The following PCDHGB3 variants were observed in gnomAD, a reference collection of about 807,000 sequenced individuals.
The protein encoded by PCDHGB3 is protocadherin gamma subfamily B, 3.
In PCDHGB3, 40 loss-of-function variants were observed where a neutral mutation model predicts 59.2. That is an observed-to-expected ratio of 0.68 (90% CI 0.52 to 0.88). PCDHGB3 has a LOEUF of 0.88. PCDHGB3 is among the 40% of genes least tolerant of loss of function. PCDHGB3 has a pLI of 0.00. For synonymous variants in PCDHGB3, 581 were observed against 503.6 expected (o/e 1.15, Z -2.06); for missense variants, 1,309 against 1,187.9 (o/e 1.10, Z -1.50).
intron 1 of PCDHGB3, chr5:141,410,822 A>C: frequency 2.2e-6 from 1 of 461,410 alleles, no homozygotes; most frequent in Non-Finnish European, 3.6e-6. Context: ...AAATAATGTC[A>C]CCAGACTGAA....
intron 1 of PCDHGB3, chr5:141,418,106 G>T (rs2096223296): frequency 6.2e-7 from 1 of 1,613,954 alleles, no homozygotes. Flanking sequence ...GCAGAGCGGG[G>T]ACTTACTTGT....
chr5:141,412,285 C>T (rs957716949), intron 1 of PCDHGB3: 3 of 152,194 alleles, frequency 2.0e-5, no homozygotes, highest in Non-Finnish European at 4.4e-5. Context: ...TCAAATTCTA[C>T]GTATTTCTTT....
chr5:141,375,822 G>C (rs1439795137), intron 1 of PCDHGB3: 3 of 1,614,144 alleles, frequency 1.9e-6, no homozygotes. Context: ...CTGGCGCCCC[G>C]CTCCGCAGAG....
chr5:141,487,442 G>A lies in PCDHGB3; in HGVS notation c.2416-7365G>A, dbSNP rs749842864. 1 of 1,613,918 alleles carries A rather than the reference G, an allele frequency of 6.2e-7. No homozygotes were observed. Among genetic ancestry groups the A allele is most frequent in the Non-Finnish European group, 8.5e-7 (1 of 1,179,798 alleles). On this transcript the variant is annotated intron_variant, in intron 1 of 3. Coordinates refer to ENST00000576222, the MANE Select transcript of PCDHGB3 (RefSeq NM_018924.5). The surrounding 1 kb of genome is among the most constrained non-coding windows in gnomAD (Gnocchi z 5.0). ...GATCCTCCGAATCCAGCTAGGGTCA[G>A]ATGACCCTATCAAGTTTGTTGATGT...
At chr5:141,374,701 C>G (rs781441820) in intron 1 of PCDHGB3, 1 of 1,608,844 alleles carries the variant, frequency 6.2e-7, no homozygotes, top group Non-Finnish European at 8.5e-7. Flanking sequence ...AAGGAGAAGC[C>G]GTTTACCGCC....
Position 141,431,278 on chromosome 5 carries a change from C to A in PCDHGB3, c.2415+58469C>A, listed in dbSNP as rs755533628. On this transcript the variant is annotated intron_variant, in intron 1 of 3. Transcript: ENST00000576222. The surrounding 1 kb of genome is among the most constrained non-coding windows in gnomAD (Gnocchi z 4.8). ...ACTCTCTGCAGAGCTACGAGCTCAG[C>A]CCGAACACTCACTTCTCCCTCATCG... 6.2e-7 allele frequency: 1 copy of A among 1,614,170 alleles called. No individual in the cohort carries two copies. The highest frequency in any genetic ancestry group is 8.5e-7 in the Non-Finnish European group (1 of 1,180,038).
Position 141,383,518 on chromosome 5 carries a change from G to A in PCDHGB3, c.2415+10709G>A, listed in dbSNP as rs1286743255. The A allele has an allele frequency of 2.5e-6, 4 of 1,612,554 alleles. 1 individual carries two copies. The highest frequency in any genetic ancestry group is 2.2e-5 in the South Asian group (2 of 90,928). On this transcript the variant is annotated intron_variant, in intron 1 of 3. Coordinates refer to ENST00000576222, the MANE Select transcript of PCDHGB3 (RefSeq NM_018924.5). The stretch of plus-strand genomic sequence containing the variant: ...GGTGCTGGACCGGGAGGAAGAGCGG[G>A]TTCACCACCTGGTCCTCACAGCCTC...
In PCDHGB3 at chr5:141,486,369, C is replaced by T; in HGVS notation, c.2416-8438C>T. 8 of 1,614,128 alleles carry T rather than the reference C, an allele frequency of 5.0e-6. No homozygotes were observed. The highest frequency in any genetic ancestry group is 6.8e-6 in the Non-Finnish European group (8 of 1,179,996). On this transcript the variant is annotated intron_variant, in intron 1 of 3. Coordinates refer to ENST00000576222, the MANE Select transcript of PCDHGB3 (RefSeq NM_018924.5). The surrounding 1 kb of genome is among the most constrained non-coding windows in gnomAD (Gnocchi z 5.0). ...GACCACTTGCCATTTGCCCTCAAGT[C>T]TGCCTTCAGGAACCAGTTCTCCCTG...
Position 141,419,399 on chromosome 5 carries a change from G to C in PCDHGB3, c.2415+46590G>C, listed in dbSNP as rs893535249. On this transcript the variant is annotated intron_variant, in intron 1 of 3. Coordinates refer to ENST00000576222, the MANE Select transcript of PCDHGB3 (RefSeq NM_018924.5). ...GTCCGTGAGCGCGCAGAGCGGGGTG[G>C]TGTTCGCGCAGCGCGCCTTCGACCA... 1.7e-5 allele frequency: 28 copies of C among 1,613,470 alleles called. No individual in the cohort carries two copies. Among genetic ancestry groups the C allele is most frequent in the Admixed American group, 1.7e-5 (1 of 60,014 alleles).
rs780836649 is a variant in PCDHGB3 at position 141,414,681 on chromosome 5, G to C, written c.2415+41872G>C. 38 of 1,613,836 alleles carry C rather than the reference G, an allele frequency of 2.4e-5. 1 individual carries two copies. The East Asian group carries it at 8.5e-4, about 36-fold the overall frequency. ...CCCTGGCTGAAGACACCATCCAGGG[G>C]GTACCTCTGTCCTCATACATATCCA... On this transcript the variant is annotated intron_variant, in intron 1 of 3. Coordinates refer to ENST00000576222, the MANE Select transcript of PCDHGB3 (RefSeq NM_018924.5).
chr5:141,445,456 T>A (rs921684111), intron 1 of PCDHGB3, among the ~76,000 whole-genome samples: 8 of 152,218 alleles, frequency 5.3e-5, no homozygotes, highest in Non-Finnish European at 1.0e-4. Flanking sequence ...GATGCAGCAA[T>A]GAACAAGGCA....
At chr5:141,463,518 G>C (rs537466389) in intron 1 of PCDHGB3, among the ~76,000 whole-genome samples, 1 of 139,068 alleles carries the variant, frequency 7.2e-6, no homozygotes, top group African/African-American at 2.8e-5. Context: ...GCGTGATCTC[G>C]GCTTACTAGA....
chr5:141,444,238 C>T (rs1011385887), intron 1 of PCDHGB3, among the ~76,000 whole-genome samples: 6 of 125,052 alleles, frequency 4.8e-5, no homozygotes, highest in Non-Finnish European at 9.4e-5. Context: ...ATGGCATGCT[C>T]TCGGCTCACT....
intron 1 of PCDHGB3, chr5:141,478,814 C>T (rs1271237848): frequency 6.9e-7 from 1 of 1,451,050 alleles, no homozygotes; most frequent in East Asian, 2.5e-5. Context: ...GCTATCACAA[C>T]TAACCAATCT....
chr5:141,470,707 TA>T (rs1207543665), intron 1 of PCDHGB3, among the ~76,000 whole-genome samples: 1 of 152,164 alleles, frequency 6.6e-6, no homozygotes, highest in African/African-American at 2.4e-5. Flanking sequence ...ATTTTTATTT[TA>T]TTTTTTTGAG....
chr5:141,441,823 C>A (rs538052540), intron 1 of PCDHGB3: 6 of 357,336 alleles, frequency 1.7e-5, no homozygotes, highest in South Asian at 7.1e-5. Flanking sequence ...AGCTCTGGAG[C>A]GCAATGGCTT....
chr5:141,510,978 G>A lies in PCDHGB3; in HGVS notation c.2595G>A (p.Gly865=), dbSNP rs2099883535. 1.2e-6 allele frequency: 2 copies of A among 1,614,160 alleles called. No homozygotes were observed. The change falls in exon 4 of 4, where the codon GGG becomes GGA. Residue 865 remains glycine, a synonymous_variant. Transcript: ENST00000576222. The part of the protein sequence containing the change: ...EAADGSSTLG[G]GAGTMGLSAR... Reference sequence around the variant, plus strand: ...CTGATGGGAGCTCCACCCTGGGAGGGGGTGCCGGCACCATGGGATTGAGCG... The same window carrying A: ...CTGATGGGAGCTCCACCCTGGGAGGAGGTGCCGGCACCATGGGATTGAGCG...
chr5:141,459,795 C>T (rs1394778891), intron 1 of PCDHGB3, among the ~76,000 whole-genome samples: 1 of 152,190 alleles, frequency 6.6e-6, no homozygotes, highest in Non-Finnish European at 1.5e-5. Flanking sequence ...AACTGTTTTT[C>T]CCTGTTGACT....
rs70988800 is a variant in PCDHGB3 at position 141,379,889 on chromosome 5, C to CTTTTTTTTTTTTTTTTTTTTTT, written c.2415+7089_2415+7110dup. On this transcript the variant is annotated intron_variant, in intron 1 of 3. Coordinates refer to ENST00000576222, the MANE Select transcript of PCDHGB3 (RefSeq NM_018924.5). ...CTTATTTTATGGTCTGTGAAAGCCT[C>CTTTTTTTTTTTTTTTTTTTTTT]TTTTTTTTTTTTTTTTTTTTTTTTT... Among the ~76,000 whole-genome samples the CTTTTTTTTTTTTTTTTTTTTTT allele has an allele frequency of 1.7e-3, 88 of 50,830 alleles. 16 individuals carry two copies. The highest frequency in any genetic ancestry group is 2.3e-3 in the Non-Finnish European group (60 of 25,884). 33.3% of individuals were successfully genotyped at this position (50,830 alleles called of 152,430 possible).
Sources: allele counts gnomAD v4.1 joint callset (sites outside exome capture counted in the v4.1 genomes callset), GRCh38; gene constraint gnomAD v4.1.1; non-coding constraint Gnocchi (gnomAD v3.1); transcripts MANE v1.5; gene names NCBI Gene and HGNC (gene_info 2026-07-23, HGNC 2026-07-21).